Variants in SRPK1 observed in about 807,000 individuals in gnomAD.
The protein encoded by SRPK1 is SFRS protein kinase 1.
A neutral mutation model predicts 89.5 loss-of-function variants in SRPK1; 52 were observed. The observed-to-expected ratio is 0.58, with a 90% CI of 0.46 to 0.73. The LOEUF (loss-of-function observed/expected upper bound fraction) is 0.73, where lower values mean the gene tolerates loss of function less well. Among genes scored for constraint, SRPK1 ranks in the 30% least tolerant of loss-of-function variants. SRPK1 has a pLI of 0.00. For missense variants in SRPK1, 603 were observed against 780.6 expected, an observed-to-expected ratio of 0.77 and a Z score of 2.71; for synonymous variants, 255 against 270.2, an observed-to-expected ratio of 0.94 and a Z score of 0.55.
At chr6:35,904,993 AAAAAATT>A in intron 2 of SRPK1, 1 of 445,634 alleles carries the variant, frequency 2.2e-6, no homozygotes, top group Non-Finnish European at 4.5e-6. Flanking sequence ...GAAAAGAAAA[AAAAAATT>A]AAAAATTAAG....
chr6:35,887,736 T>C (rs1770439947), intron 5 of SRPK1: 1 of 256,806 alleles, frequency 3.9e-6, no homozygotes, highest in Non-Finnish European at 7.3e-6. Flanking sequence ...ATTATGACAG[T>C]AGCTACCTGG....
intron 13 of SRPK1, among the ~76,000 whole-genome samples, chr6:35,849,807 A>G (rs545812726): frequency 6.6e-6 from 1 of 152,326 alleles, no homozygotes; most frequent in Admixed American, 6.5e-5. Context: ...CCAAACTGAA[A>G]CTGGTACCAA....
chr6:35,859,471 A>G (rs527477565), intron 12 of SRPK1, among the ~76,000 whole-genome samples: 2 of 152,314 alleles, frequency 1.3e-5, no homozygotes, highest in African/African-American at 4.8e-5. Context: ...CCCGAGTATA[A>G]AATCTGTGCA....
chr6:35,911,849 T>A (rs1010121526), intron 2 of SRPK1, among the ~76,000 whole-genome samples: 2 of 152,146 alleles, frequency 1.3e-5, no homozygotes, highest in Admixed American at 6.5e-5. Flanking sequence ...TAGCACAGTT[T>A]GAAAGGACTG....
At chr6:35,862,060 G>A (rs1769793800) in intron 12 of SRPK1, among the ~76,000 whole-genome samples, 2 of 151,882 alleles carry the variant, frequency 1.3e-5, no homozygotes, top group African/African-American at 4.8e-5. Flanking sequence ...AGCCCCCTCC[G>A]ACCCATCACA....
chr6:35,885,260 AACACAC>A lies in SRPK1; in HGVS notation c.478+1458_478+1463del, dbSNP rs71540130. On this transcript the variant is annotated intron_variant, in intron 6 of 15. Coordinates refer to ENST00000373825, the MANE Select transcript of SRPK1 (RefSeq NM_003137.5). ...TTGGTTTAGAATTCTTAATTCTTTG[AACACAC>A]ACACACACACACACACACACACACA... 6.5e-3 allele frequency among the ~76,000 whole-genome samples: 724 copies of A among 111,854 alleles called. 3 individuals are homozygous for A. Among genetic ancestry groups the A allele is most frequent in the Middle Eastern group, 0.034 (7 of 206 alleles). 73.4% of individuals were successfully genotyped at this position (111,854 alleles called of 152,430 possible).
intron 2 of SRPK1, among the ~76,000 whole-genome samples, chr6:35,907,936 A>G (rs1770885611): frequency 6.6e-6 from 1 of 152,142 alleles, no homozygotes; most frequent in African/African-American, 2.4e-5. Context: ...TGATGGTTTT[A>G]AAGTGTGGCA....
chr6:35,914,346 A>ATT (rs1179951206), intron 2 of SRPK1, among the ~76,000 whole-genome samples: 21 of 152,208 alleles, frequency 1.4e-4, no homozygotes, highest in Non-Finnish European at 2.6e-4. Context: ...AAAAATGGGC[A>ATT]AAAAATTCAA....
chr6:35,889,213 CAAT>C (rs1257836426), intron 3 of SRPK1, among the ~76,000 whole-genome samples: 1 of 151,132 alleles, frequency 6.6e-6, no homozygotes, highest in Non-Finnish European at 1.5e-5. Flanking sequence ...TCTTGTCTCT[CAAT>C]AATTCAATAG....
chr6:35,885,669 T>C (rs868398147), intron 6 of SRPK1, among the ~76,000 whole-genome samples: 3 of 152,358 alleles, frequency 2.0e-5, no homozygotes, highest in South Asian at 4.1e-4. Context: ...AATGTCTTTA[T>C]ACATTTTAAA....
chr6:35,907,401 T>C (rs1465150444), intron 2 of SRPK1, among the ~76,000 whole-genome samples: 3 of 152,150 alleles, frequency 2.0e-5, no homozygotes, highest in Non-Finnish European at 2.9e-5. Flanking sequence ...GCCTGGGATT[T>C]GCTTTAAAAT....
At chr6:35,882,282 T>G (rs75396791) in intron 6 of SRPK1, among the ~76,000 whole-genome samples, 2 of 149,114 alleles carry the variant, frequency 1.3e-5, no homozygotes, top group Non-Finnish European at 3.0e-5. Flanking sequence ...TTTTTTTTTT[T>G]GGTATAATAA....
intron 2 of SRPK1, among the ~76,000 whole-genome samples, chr6:35,910,014 G>A (rs1332021351): frequency 2.0e-5 from 3 of 150,972 alleles, no homozygotes; most frequent in Non-Finnish European, 4.4e-5. Context: ...ATGGAGTTTC[G>A]CTCTTATTGC....
At chr6:35,897,522 C>A (rs1381699555) in intron 2 of SRPK1, among the ~76,000 whole-genome samples, 1 of 152,088 alleles carries the variant, frequency 6.6e-6, no homozygotes, top group Admixed American at 6.6e-5. Flanking sequence ...TTCATTAATT[C>A]ATTCATTTAT....
chr6:35,886,908 A>T, intron 5 of SRPK1, 97 bp from the exon 6 acceptor site: 1 of 679,034 alleles, frequency 1.5e-6, no homozygotes, highest in South Asian at 1.8e-5. Context: ...ACTACAAGAA[A>T]GAGCTCACAT....
At chr6:35,858,314 CTTTTT>C (rs1310070196) in intron 12 of SRPK1, among the ~76,000 whole-genome samples, 1 of 151,846 alleles carries the variant, frequency 6.6e-6, no homozygotes, top group Non-Finnish European at 1.5e-5. Context: ...AAAGATCATT[CTTTTT>C]AACTGTGACA....
At chr6:35,861,033 G>A (rs369126327) in intron 12 of SRPK1, among the ~76,000 whole-genome samples, 3 of 152,164 alleles carry the variant, frequency 2.0e-5, no homozygotes, top group Admixed American at 2.0e-4. Flanking sequence ...GCAACGTTTA[G>A]CGAATATATG....
chr6:35,913,696 C>T (rs976141615), intron 2 of SRPK1, among the ~76,000 whole-genome samples: 3 of 150,766 alleles, frequency 2.0e-5, no homozygotes, highest in Non-Finnish European at 4.4e-5. Context: ...TACTCGGGAG[C>T]CTGAGGCAGG....
At position 35,835,185 on chromosome 6, in the gene SRPK1, A is replaced by C; in HGVS notation, c.*119T>G. ...AAATGAACATGTTGGATTAAAAAAA[A>C]AACAAGATCTAGAAACTCTTGAAGG... On this transcript the variant is annotated 3_prime_UTR_variant, in exon 16 of 16. Transcript: ENST00000373825. The C allele has an allele frequency of 1.0e-6, 1 of 971,744 alleles. No homozygotes were observed. The highest frequency in any genetic ancestry group is 3.0e-5 in the Admixed American group (1 of 33,744). 60.2% of individuals were successfully genotyped at this position (971,744 alleles called of 1,614,324 possible). A position where few individuals can be genotyped will look rare whatever the true frequency, so the allele number is the denominator to read the frequency against.
Sources: allele counts gnomAD v4.1 joint callset (sites outside exome capture counted in the v4.1 genomes callset), GRCh38; gene constraint gnomAD v4.1.1; transcripts MANE v1.5; gene names NCBI Gene and HGNC (gene_info 2026-07-23, HGNC 2026-07-21).